SLC41A1: variants seen among roughly 807,000 people sequenced by gnomAD.
SLC41A1 encodes solute carrier family 41 member 1.
In SLC41A1, 20 loss-of-function variants were observed where a neutral mutation model predicts 47.3. The ratio of observed to expected loss-of-function variants is 0.42; its 90% CI spans 0.30 to 0.61. The LOEUF is 0.61. Ranked by LOEUF, SLC41A1 falls within the 20% of genes least tolerant of loss-of-function variation. The pLI is 0.17. For synonymous variants in SLC41A1, 282 were observed against 272.7 expected (o/e 1.03, Z -0.34); for missense variants, 504 against 674.1 (o/e 0.75, Z 2.79).
At chr1:205,797,550 G>T (rs932523211) in intron 7 of SLC41A1, among the ~76,000 whole-genome samples, 1 of 152,238 alleles carries the variant, frequency 6.6e-6, no homozygotes, top group Non-Finnish European at 1.5e-5. Context: ...GGAACTGTTG[G>T]GGGAAGAATC....
chr1:205,792,985 C>T (rs942676751), intron 10 of SLC41A1, among the ~76,000 whole-genome samples: 1 of 151,938 alleles, frequency 6.6e-6, no homozygotes, highest in African/African-American at 2.4e-5. Flanking sequence ...GAATCCTGCC[C>T]TCTCTCCAAG....
chr1:205,799,060 G>T lies in SLC41A1; in HGVS notation c.594C>A (p.Ala198=). 3.7e-6 allele frequency: 6 copies of T among 1,613,100 alleles called. No homozygotes were observed. Among genetic ancestry groups the T allele is most frequent in the Non-Finnish European group, 5.1e-6 (6 of 1,179,972 alleles). Residue 198 remains alanine, a synonymous_variant, in exon 5 of 11, where the codon GCC becomes GCA. Transcript: ENST00000367137. ...TVVGFLASIA[A]VVFGWIPDGH... ...CATCAGGGATCCAGCCAAAGACGAC[G>T]GCTGCGATGGACGCCAGGAAGCCCA...
intron 2 of SLC41A1, among the ~76,000 whole-genome samples, chr1:205,808,499 C>A (rs1431884785): frequency 6.6e-6 from 1 of 152,242 alleles, no homozygotes; most frequent in African/African-American, 2.4e-5. Flanking sequence ...CTCTTCAGTT[C>A]ACCTCTGGAC....
chr1:205,789,140 A>G lies in SLC41A1; in HGVS notation c.*2393T>C, dbSNP rs1655555201. 6.6e-6 allele frequency: 1 copy of G among 152,256 alleles called. No homozygotes were observed. The highest frequency in any genetic ancestry group is 2.1e-4 in the South Asian group (1 of 4,836). The allele number at this position is 152,256 out of a possible 1,614,324, so 9.4% of individuals were successfully genotyped here. A position where few individuals can be genotyped will look rare whatever the true frequency, so the allele number is the denominator to read the frequency against. On this transcript the variant is annotated 3_prime_UTR_variant, in exon 11 of 11. Coordinates refer to ENST00000367137, the MANE Select transcript of SLC41A1 (RefSeq NM_173854.6). The stretch of plus-strand genomic sequence containing the variant: ...TTTACCAAATATAATTTATCAGTTA[A>G]GTTGACATTTGTCAATTCAGTTATA...
Position 205,791,456 on chromosome 1 carries a change from G to A in SLC41A1, c.*77C>T, listed in dbSNP as rs553840993. 3.3e-6 allele frequency: 5 copies of A among 1,535,100 alleles called. No individual in the cohort carries two copies. The African/African-American group carries it at 5.4e-5, about 17-fold the overall frequency. On this transcript the variant is annotated 3_prime_UTR_variant, in exon 11 of 11. Transcript: ENST00000367137. The surrounding 1 kb of genome is among the most constrained non-coding windows in gnomAD (Gnocchi z 4.0). The stretch of plus-strand genomic sequence containing the variant: ...CTAGAAAGAGGTGGGAGTGTGGGGT[G>A]GAGGAGGGACAGGGGAACAAAAGAA...
At chr1:205,812,051 A>G (rs558100543) in intron 1 of SLC41A1, among the ~76,000 whole-genome samples, 1 of 152,366 alleles carries the variant, frequency 6.6e-6, no homozygotes, top group South Asian at 2.1e-4. Context: ...GCCAATATGC[A>G]CTTGCTCCAA....
rs776016676 is a variant in SLC41A1, at chr1:205,798,065, G to A, written c.845-14C>T. 1.2e-6 allele frequency: 2 copies of A among 1,614,110 alleles called. No individual in the cohort carries two copies. The highest frequency in any genetic ancestry group is 3.3e-5 in the Admixed American group (2 of 60,012). On this transcript the variant is annotated splice_polypyrimidine_tract_variant and intron_variant, in intron 6 of 10. Coordinates refer to ENST00000367137, the MANE Select transcript of SLC41A1 (RefSeq NM_173854.6). ...ATCGCCAGTGATCTGAGAGGGCAGA[G>A]GTCAGAAGGAGATAAGCACTGTGTT...
chr1:205,791,150 CA>C lies in SLC41A1; in HGVS notation c.*382del. ...AAAACAGATAAAAAGAAAACAAAAC[CA>C]AAAATCCAGAGCCCACTTACAAAGG... On this transcript the variant is annotated 3_prime_UTR_variant, in exon 11 of 11. Coordinates refer to ENST00000367137, the MANE Select transcript of SLC41A1 (RefSeq NM_173854.6). This position sits in a 1 kb window ranked among gnomAD's most constrained non-coding sequence, Gnocchi z 4.0. 3.7e-6 allele frequency: 1 copy of C among 270,514 alleles called. No individual in the cohort carries two copies. The highest frequency in any genetic ancestry group is 4.2e-5 in the South Asian group (1 of 23,848). The allele number at this position is 270,514 out of a possible 1,614,324, so 16.8% of individuals were successfully genotyped here.
At chr1:205,794,848 C>G in intron 10 of SLC41A1, 22 bp downstream of exon 10, 4 of 1,613,260 alleles carry the variant, frequency 2.5e-6, no homozygotes, top group Non-Finnish European at 3.4e-6. Flanking sequence ...CTTCCCATGC[C>G]CCTGCTCCTG....
chr1:205,798,709 C>T lies in SLC41A1; in HGVS notation c.804G>A (p.Ala268=), dbSNP rs143860467. The T allele has an allele frequency of 2.8e-5, 46 of 1,614,068 alleles. No individual in the cohort carries two copies. Among genetic ancestry groups the T allele is most frequent in the East Asian group, 8.9e-5 (4 of 44,896 alleles). Residue 268 remains alanine (A), a synonymous_variant, in exon 6 of 11, where the codon GCG becomes GCA. Transcript: ENST00000367137. Reference sequence around the variant, plus strand: ...GTCCCCAGCTGATGCCTGAGAGCAGCGCCAAGGTGATGAGGTCGCCCAGGC... The same window carrying T: ...GTCCCCAGCTGATGCCTGAGAGCAGTGCCAAGGTGATGAGGTCGCCCAGGC... ...AASLGDLITL[A]LLSGISWGLY... is the part of the protein sequence containing the mutation.
chr1:205,796,721 C>T (rs142773276), intron 8 of SLC41A1: 32 of 615,334 alleles, frequency 5.2e-5, no homozygotes, highest in East Asian at 2.5e-4. Context: ...GCTAATCTCT[C>T]GGTGCCTCAA....
chr1:205,793,134 C>T (rs1437471146), intron 10 of SLC41A1, among the ~76,000 whole-genome samples: 2 of 152,176 alleles, frequency 1.3e-5, no homozygotes, highest in African/African-American at 4.8e-5. Flanking sequence ...AAGAGCATGG[C>T]CAGGAGGCCT....
intron 7 of SLC41A1, 118 bp from the exon 8 acceptor site, chr1:205,797,121 C>A (rs1313061400): frequency 2.3e-6 from 2 of 883,672 alleles, no homozygotes; most frequent in African/African-American, 3.3e-5. Context: ...CCATGGCTCT[C>A]AGGAGTTCCT....
Position 205,810,460 on chromosome 1 carries a change from G to C in SLC41A1, c.-19C>G, listed in dbSNP as rs372317986. ...AGGACATGACAGGCACGGAGGAGGG[G>C]AAGGGAGAACTTTCCTCTCTTCTTT... On this transcript the variant is annotated 5_prime_UTR_variant, in exon 2 of 11. Transcript: ENST00000367137. The surrounding 1 kb of genome is among the most constrained non-coding windows in gnomAD (Gnocchi z 5.5). The C allele has an allele frequency of 5.6e-6, 9 of 1,614,170 alleles. No individual in the cohort carries two copies. The highest frequency in any genetic ancestry group is 7.6e-6 in the Non-Finnish European group (9 of 1,180,044).
intron 2 of SLC41A1, among the ~76,000 whole-genome samples, chr1:205,807,222 G>T (rs1024815381): frequency 7.9e-5 from 12 of 152,116 alleles, no homozygotes; most frequent in African/African-American, 2.9e-4. Context: ...CCATGTCTCG[G>T]TCCCTCTGCA....
rs967826247 is a variant in SLC41A1, at chr1:205,791,861, C to T, written c.1357-143G>A. On this transcript the variant is annotated intron_variant, in intron 10 of 10. Transcript: ENST00000367137. This position sits in a 1 kb window ranked among gnomAD's most constrained non-coding sequence, Gnocchi z 4.0. ...TTTAATCTTCCTCTTTCCACCCCAGCAACCTCTCTGTGTTTCTCCACCCCA... is the reference window on the plus strand; with the variant it reads ...TTTAATCTTCCTCTTTCCACCCCAGTAACCTCTCTGTGTTTCTCCACCCCA... 1 of 1,056,334 alleles carries T rather than the reference C, an allele frequency of 9.5e-7. No individual in the cohort carries two copies. The highest frequency in any genetic ancestry group is 1.4e-6 in the Non-Finnish European group (1 of 705,912). The allele number at this position is 1,056,334 out of a possible 1,614,324, so 65.4% of individuals were successfully genotyped here.
intron 10 of SLC41A1, 109 bp downstream of exon 10, chr1:205,794,761 C>A: frequency 1.4e-6 from 2 of 1,442,464 alleles, no homozygotes; most frequent in Non-Finnish European, 1.9e-6. Flanking sequence ...GCTGCCCTGA[C>A]ACAGAGAAAG....
At position 205,798,144 on chromosome 1, in the gene SLC41A1, T is replaced by A. The variant is rs187543005; in HGVS notation, c.845-93A>T. 3.2e-6 allele frequency: 5 copies of A among 1,547,734 alleles called. No individual in the cohort carries two copies. The African/African-American group carries it at 6.8e-5, about 21-fold the overall frequency. ...GCCTGAAAATGTCCCAACAGATCAA[T>A]AGCAAGACTACACTAAATGCCAGTA... On this transcript the variant is annotated intron_variant, in intron 6 of 10. Transcript: ENST00000367137.
Position 205,796,970 on chromosome 1 carries a change from T to G in SLC41A1, c.1026A>C (p.Ser342=). 6.2e-7 allele frequency: 1 copy of G among 1,613,520 alleles called. No homozygotes were observed. The highest frequency in any genetic ancestry group is 1.1e-5 in the South Asian group (1 of 90,836). Residue 342 remains serine (S), a synonymous_variant, in exon 8 of 11, where the codon TCA becomes TCC. Coordinates refer to ENST00000367137, the MANE Select transcript of SLC41A1 (RefSeq NM_173854.6). ...CAGCCATCCCAGCAAAGTTGGGGTC[T>G]GAGACAGTCTTGTCCAAGATGAGGC... ...VGGLILDKTV[S]DPNFAGMAVF...
Sources: allele counts gnomAD v4.1 joint callset (sites outside exome capture counted in the v4.1 genomes callset), GRCh38; gene constraint gnomAD v4.1.1; non-coding constraint Gnocchi (gnomAD v3.1); transcripts MANE v1.5; gene names NCBI Gene and HGNC (gene_info 2026-07-23, HGNC 2026-07-21).